Variants in WDPCP observed in about 807,000 individuals in gnomAD.
WDPCP encodes the protein WD repeat-containing and planar cell polarity effector protein fritz homolog.
In WDPCP, 71 loss-of-function variants were observed where a neutral mutation model predicts 93.1. The ratio of observed to expected loss-of-function variants is 0.76; its 90% CI spans 0.63 to 0.93. The LOEUF (loss-of-function observed/expected upper bound fraction) is 0.93, where lower values mean the gene tolerates loss of function less well. Ranked by LOEUF, WDPCP falls within the 40% of genes least tolerant of loss-of-function variation. The pLI is 0.00. For missense variants in WDPCP, 844 were observed against 887.4 expected (o/e 0.95, Z 0.62); for synonymous variants, 315 against 315.0 (o/e 1.00, Z 0.00).
intron 2 of WDPCP, among the ~76,000 whole-genome samples, chr2:63,653,002 T>C (rs1057184649): frequency 7.5e-6 from 1 of 132,560 alleles, no homozygotes; most frequent in African/African-American, 3.0e-5. Flanking sequence ...AGTGCAGTAC[T>C]ATGATGTTCA....
chr2:63,361,184 G>A (rs1272313873), intron 12 of WDPCP, among the ~76,000 whole-genome samples: 1 of 152,174 alleles, frequency 6.6e-6, no homozygotes, highest in Non-Finnish European at 1.5e-5. Context: ...AAGTAACTGT[G>A]AGTCACTGGA....
intron 12 of WDPCP, among the ~76,000 whole-genome samples, chr2:63,338,887 T>G (rs4671486): frequency 0.55 from 83,074 of 151,330 alleles, 23,217 homozygotes; most frequent in Admixed American, 0.63. Context: ...CATATAAATT[T>G]TATAGTTTTT....
intron 9 of WDPCP, among the ~76,000 whole-genome samples, chr2:63,424,114 G>A (rs542208377): frequency 1.3e-5 from 2 of 152,172 alleles, no homozygotes; most frequent in East Asian, 1.9e-4. Flanking sequence ...CTCTCTCGCC[G>A]CTTACCTCTG....
At chr2:63,579,856 T>C (rs1708381697) in intron 1 of WDPCP, among the ~76,000 whole-genome samples, 1 of 152,156 alleles carries the variant, frequency 6.6e-6, no homozygotes, top group African/African-American at 2.4e-5. Context: ...GCTATTGTAA[T>C]AGTATTAAAA....
upstream of WDPCP, among the ~76,000 whole-genome samples, chr2:63,591,922 T>C (rs1458339332): frequency 2.6e-5 from 4 of 152,180 alleles, no homozygotes; most frequent in Non-Finnish European, 5.9e-5. Flanking sequence ...TTATCTCCAT[T>C]TTACTATGGG....
At chr2:63,435,462 C>A (rs530092906) in intron 8 of WDPCP, among the ~76,000 whole-genome samples, 7 of 152,204 alleles carry the variant, frequency 4.6e-5, no homozygotes, top group African/African-American at 1.4e-4. Flanking sequence ...GAGAGAAATA[C>A]CACGATGAAA....
At chr2:63,218,401 T>C (rs1371366822) in intron 14 of WDPCP, among the ~76,000 whole-genome samples, 1 of 152,196 alleles carries the variant, frequency 6.6e-6, no homozygotes, top group East Asian at 1.9e-4. Flanking sequence ...AGTTCAGAAC[T>C]GTACAGTTGT....
At chr2:63,125,874 G>A (rs186727542) in intron 17 of WDPCP, among the ~76,000 whole-genome samples, 2 of 151,230 alleles carry the variant, frequency 1.3e-5, no homozygotes, top group Admixed American at 1.3e-4. Context: ...GCCTCCCAAA[G>A]TGCTGGGATT....
At chr2:63,727,573 T>C (rs1041394438) in intron 2 of WDPCP, among the ~76,000 whole-genome samples, 2 of 152,192 alleles carry the variant, frequency 1.3e-5, no homozygotes, top group Non-Finnish European at 1.5e-5. Flanking sequence ...ATAGAATGAG[T>C]TGGATAGGAG....
Position 63,605,828 on chromosome 2 carries a change from T to C in WDPCP, n.488+44831A>G, listed in dbSNP as rs1271127838. Reference sequence around the variant, plus strand: ...GTGCTGATGATAGTTCCTTACACAGTAATGATGTTATGAACATAGTAAGAA... The same window carrying C: ...GTGCTGATGATAGTTCCTTACACAGCAATGATGTTATGAACATAGTAAGAA... On this transcript the variant is annotated intron_variant and non_coding_transcript_variant, in intron 3 of 4. Coordinates refer to the WDPCP transcript ENST00000467687. 3 of 865,150 alleles carry C rather than the reference T, an allele frequency of 3.5e-6. No individual in the cohort carries two copies. The African/African-American group carries it at 4.9e-5, about 14-fold the overall frequency. 53.6% of individuals were successfully genotyped at this position (865,150 alleles called of 1,614,324 possible). A position where few individuals can be genotyped will look rare whatever the true frequency, so the allele number is the denominator to read the frequency against.
At chr2:63,587,754 T>A (rs949296194) in intron 1 of WDPCP, among the ~76,000 whole-genome samples, 2 of 152,240 alleles carry the variant, frequency 1.3e-5, no homozygotes, top group African/African-American at 2.4e-5. Flanking sequence ...AAACAACCAG[T>A]GTCTCCCCTT....
At chr2:63,320,123 A>G (rs1317442280) in intron 12 of WDPCP, among the ~76,000 whole-genome samples, 1 of 152,148 alleles carries the variant, frequency 6.6e-6, no homozygotes, top group African/African-American at 2.4e-5. Flanking sequence ...TAAACATCCA[A>G]CTTAATAATT....
intron 1 of WDPCP, among the ~76,000 whole-genome samples, chr2:63,584,454 A>T (rs1708707830): frequency 6.6e-6 from 1 of 151,578 alleles, no homozygotes; most frequent in African/African-American, 2.4e-5. Flanking sequence ...ATGCTCATCC[A>T]TGTTGGTGTG....
chr2:63,559,382 T>G (rs1356665836), intron 1 of WDPCP, among the ~76,000 whole-genome samples: 2 of 152,096 alleles, frequency 1.3e-5, no homozygotes, highest in Admixed American at 1.3e-4. Flanking sequence ...ATGCCCTCTC[T>G]CACCACTCCT....
chr2:63,677,519 G>A (rs568879404), intron 2 of WDPCP, among the ~76,000 whole-genome samples: 22 of 124,968 alleles, frequency 1.8e-4, no homozygotes, highest in Non-Finnish European at 2.6e-4. Context: ...TGCACGTGAC[G>A]ATAAAAGTAC....
At chr2:63,277,667 A>C (rs991490064) in intron 13 of WDPCP, among the ~76,000 whole-genome samples, 1 of 152,228 alleles carries the variant, frequency 6.6e-6, no homozygotes, top group African/African-American at 2.4e-5. Context: ...GAGAGACATT[A>C]TATAATGATA....
Position 63,120,135 on chromosome 2 carries a change from C to T in WDPCP, c.*1871G>A, listed in dbSNP as rs559938698. 8.4e-4 allele frequency among the ~76,000 whole-genome samples: 127 copies of T among 152,032 alleles called. No homozygotes were observed. The highest frequency in any genetic ancestry group is 2.8e-3 in the African/African-American group (115 of 41,444). On this transcript the variant is annotated 3_prime_UTR_variant, in exon 18 of 18. Coordinates refer to ENST00000272321, the MANE Select transcript of WDPCP (RefSeq NM_015910.7). ...TATTTTGGGTTAATGACTATTTACC[C>T]GGAAAATCTGGAGAAAATTCTGCAA...
intron 12 of WDPCP, among the ~76,000 whole-genome samples, chr2:63,347,977 T>C (rs967768845): frequency 1.3e-5 from 2 of 152,206 alleles, no homozygotes; most frequent in South Asian, 2.1e-4. Context: ...TAATGCTTGA[T>C]GTCCTGTGGT....
At chr2:63,242,396 C>T (rs1679924452) in intron 14 of WDPCP, among the ~76,000 whole-genome samples, 1 of 152,174 alleles carries the variant, frequency 6.6e-6, no homozygotes, top group Non-Finnish European at 1.5e-5. Flanking sequence ...TTTCATTTCT[C>T]TGCATATGAG....
Sources: gnomAD v4.1 joint callset for allele counts (sites outside exome capture counted in the v4.1 genomes callset) on GRCh38, gnomAD v4.1.1 for gene constraint, MANE v1.5 for transcripts, NCBI Gene and HGNC (gene_info 2026-07-23, HGNC 2026-07-21) for gene names.